The following FBLN2 variants were observed in gnomAD, a reference collection of about 807,000 sequenced individuals.
FBLN2 encodes fibulin-2.
Under a neutral mutation model 123.7 loss-of-function variants are expected in FBLN2, and 81 were observed. The observed-to-expected ratio is 0.65, with a 90% CI of 0.55 to 0.79. The LOEUF (loss-of-function observed/expected upper bound fraction) is 0.79, where lower values mean the gene tolerates loss of function less well. Ranked by LOEUF, FBLN2 falls within the 30% of genes least tolerant of loss-of-function variation. The pLI is 0.00. For missense variants in FBLN2, 1,603 were observed against 1,681.3 expected (o/e 0.95, Z 0.81); for synonymous variants, 699 against 701.4 (o/e 1.00, Z 0.05).
intron 1 of FBLN2, among the ~76,000 whole-genome samples, chr3:13,554,027 C>A (rs968112490): frequency 1.3e-5 from 2 of 152,382 alleles, no homozygotes; most frequent in East Asian, 3.9e-4. Context: ...TGAGCATTGC[C>A]TGGGCCTGAG....
At chr3:13,550,338 C>T (rs1703286901) in intron 1 of FBLN2, among the ~76,000 whole-genome samples, 1 of 152,252 alleles carries the variant, frequency 6.6e-6, no homozygotes, top group African/African-American at 2.4e-5. Flanking sequence ...CCTTCCCCTG[C>T]TCCAGTCTCC....
intron 2 of FBLN2, among the ~76,000 whole-genome samples, chr3:13,580,054 G>A (rs1217303922): frequency 6.6e-6 from 1 of 152,156 alleles, no homozygotes; most frequent in Non-Finnish European, 1.5e-5. Flanking sequence ...TGCGTGTATC[G>A]GGAGGGGGTC....
At chr3:13,613,870 C>A in intron 4 of FBLN2, 114 bp from the exon 5 acceptor site, 1 of 1,210,686 alleles carries the variant, frequency 8.3e-7, no homozygotes, top group Non-Finnish European at 1.1e-6. Flanking sequence ...AGCGCATAGT[C>A]TGGCAGAGGA....
chr3:13,636,970 C>T lies in FBLN2; in HGVS notation c.3338+402C>T, dbSNP rs992357981. Among the ~76,000 whole-genome samples the T allele has an allele frequency of 7.9e-5, 12 of 152,292 alleles. No individual in the cohort carries two copies. The South Asian group carries it at 1.0e-3, about 13-fold the overall frequency. On this transcript the variant is annotated intron_variant, in intron 17 of 17. Coordinates refer to ENST00000404922, the MANE Select transcript of FBLN2 (RefSeq NM_001004019.2). Reference sequence around the variant, plus strand: ...TCTCAGGGGCTGCCTGTCCGGGGTGCGGGATCCTGCCACTGCTCATGGGGC... The same window carrying T: ...TCTCAGGGGCTGCCTGTCCGGGGTGTGGGATCCTGCCACTGCTCATGGGGC...
chr3:13,588,627 C>T (rs1376596669), intron 2 of FBLN2, among the ~76,000 whole-genome samples: 2 of 152,234 alleles, frequency 1.3e-5, no homozygotes, highest in Admixed American at 6.5e-5. Context: ...CCGGCCAGCA[C>T]GGATCACCCG....
intron 2 of FBLN2, among the ~76,000 whole-genome samples, chr3:13,576,720 T>C (rs1157414417): frequency 3.2e-4 from 43 of 135,842 alleles, no homozygotes; most frequent in African/African-American, 8.9e-4. Flanking sequence ...GTCAGGGGGA[T>C]CCCCCCCCCC....
chr3:13,604,872 C>T (rs1012988572), intron 2 of FBLN2, among the ~76,000 whole-genome samples: 1 of 152,220 alleles, frequency 6.6e-6, no homozygotes, highest in African/African-American at 2.4e-5. Flanking sequence ...GCAACGCAGC[C>T]GATGACCCTC....
At chr3:13,606,316 G>T (rs1193747376) in intron 2 of FBLN2, among the ~76,000 whole-genome samples, 7 of 152,174 alleles carry the variant, frequency 4.6e-5, no homozygotes, top group African/African-American at 1.7e-4. Flanking sequence ...TTCTTAATAT[G>T]TCAGCAGTCT....
chr3:13,635,744 A>G (rs1047363046), intron 16 of FBLN2, among the ~76,000 whole-genome samples: 8 of 152,188 alleles, frequency 5.3e-5, no homozygotes, highest in African/African-American at 1.9e-4. Context: ...TGCTCCATGC[A>G]GGCACTCCAC....
chr3:13,581,245 G>A (rs1431382076), intron 2 of FBLN2, among the ~76,000 whole-genome samples: 1 of 151,992 alleles, frequency 6.6e-6, no homozygotes, highest in African/African-American at 2.4e-5. Flanking sequence ...TGGGCCTGGG[G>A]CACTGGCTTT....
At chr3:13,627,440 A>G (rs966370277) in intron 10 of FBLN2, among the ~76,000 whole-genome samples, 5 of 152,146 alleles carry the variant, frequency 3.3e-5, no homozygotes, top group African/African-American at 1.2e-4. Context: ...GCGGCTAACA[A>G]AGCAGGCTTG....
At chr3:13,637,357 G>A (rs1706512235) in intron 17 of FBLN2, among the ~76,000 whole-genome samples, 1 of 152,224 alleles carries the variant, frequency 6.6e-6, no homozygotes, top group Admixed American at 6.5e-5. Context: ...ACCCATTCCA[G>A]TGAGCCGGTG....
chr3:13,618,158 C>T lies in FBLN2; in HGVS notation c.1812C>T (p.Asp604=). 2 of 1,613,738 alleles carry T rather than the reference C, an allele frequency of 1.2e-6. No individual in the cohort carries two copies. Among genetic ancestry groups the T allele is most frequent in the Non-Finnish European group, 1.7e-6 (2 of 1,179,902 alleles). ...TGCCGAACAGCCTGCCGGGCGATGA[C>T]CAGGATGAGTGCCTTCTCCTCCCGG... The part of the protein sequence containing the change: ...AELPNSLPGD[D]QDECLLLPGE... Residue 604 remains aspartate, a synonymous_variant, in exon 6 of 18, where the codon GAC becomes GAT. Transcript: ENST00000404922.
At chr3:13,608,265 G>T in intron 3 of FBLN2, 92 bp downstream of exon 3, 1 of 858,388 alleles carries the variant, frequency 1.2e-6, no homozygotes, top group South Asian at 1.6e-5. Flanking sequence ...GCAGCCCGGA[G>T]AGAGTGCACC....
intron 3 of FBLN2, among the ~76,000 whole-genome samples, chr3:13,608,613 C>T (rs982306488): frequency 1.3e-5 from 2 of 152,194 alleles, no homozygotes; most frequent in Non-Finnish European, 2.9e-5. Flanking sequence ...TGCTCCCTTG[C>T]TGCTGTGCTG....
In FBLN2 at chr3:13,565,926, T is replaced by G. The variant is rs79321117; in HGVS notation, c.-41-4389T>G. ...CTGCTCCAGGTGACACTTCGGCCAGTGGCATAAGAATGATAATAATACCAC... is the reference window on the plus strand; with the variant it reads ...CTGCTCCAGGTGACACTTCGGCCAGGGGCATAAGAATGATAATAATACCAC... On this transcript the variant is annotated intron_variant, in intron 1 of 17. Transcript: ENST00000404922. Among the ~76,000 whole-genome samples, 109 of 152,386 alleles carry G rather than the reference T, an allele frequency of 7.2e-4. 1 individual carries two copies. In the Middle Eastern group the frequency reaches 0.01, roughly 14 times the overall value.
intron 1 of FBLN2, among the ~76,000 whole-genome samples, chr3:13,560,937 C>G (rs1703584784): frequency 6.6e-6 from 1 of 151,958 alleles, no homozygotes; most frequent in African/African-American, 2.4e-5. Flanking sequence ...CCTCAGCCTC[C>G]CAAGTAGCTA....
chr3:13,572,251 C>T (rs948351287), intron 2 of FBLN2, among the ~76,000 whole-genome samples: 2 of 152,212 alleles, frequency 1.3e-5, no homozygotes, highest in Admixed American at 6.5e-5. Context: ...TGAGCAGGGG[C>T]GCTGGCCATG....
In FBLN2 at chr3:13,629,801, G is replaced by T. The variant is rs113489234; in HGVS notation, c.2843-19G>T. 475 of 1,558,884 alleles carry T rather than the reference G, an allele frequency of 3.0e-4. 4 individuals are homozygous for T. In the African/African-American group the frequency reaches 5.8e-3, roughly 19 times the overall value. The stretch of plus-strand genomic sequence containing the variant: ...CTTTAGGGCCACCTACCCTGTACCT[G>T]CTGCCTGCCCTCCCACAGACGTGAA... On this transcript the variant is annotated intron_variant, in intron 13 of 17. Coordinates refer to ENST00000404922, the MANE Select transcript of FBLN2 (RefSeq NM_001004019.2).
Sources: allele counts gnomAD v4.1 joint callset (sites outside exome capture counted in the v4.1 genomes callset), GRCh38; gene constraint gnomAD v4.1.1; transcripts MANE v1.5; gene names NCBI Gene and HGNC (gene_info 2026-07-23, HGNC 2026-07-21).